NECTIN1: variants seen among roughly 807,000 people sequenced by gnomAD.
The protein encoded by NECTIN1 is nectin-1.
In NECTIN1, 23 loss-of-function variants were observed where a neutral mutation model predicts 48.0. That is an observed-to-expected ratio of 0.48 (90% confidence interval 0.34 to 0.68). The LOEUF (loss-of-function observed/expected upper bound fraction) is 0.68. NECTIN1 is among the 30% of genes least tolerant of loss of function. The probability of loss-of-function intolerance (pLI) is 0.01; values close to 1 mark genes in which losing one functional copy is unlikely to be tolerated. For synonymous variants in NECTIN1, 270 were observed against 288.9 expected (o/e 0.93, Z 0.66); for missense variants, 591 against 709.9 (o/e 0.83, Z 1.90).
rs1390346692 is a variant in NECTIN1 at position 119,729,121 on chromosome 11, G to A, written c.-568C>T. The A allele has an allele frequency of 2.0e-5, 3 of 151,722 alleles. No homozygotes were observed. The highest frequency in any genetic ancestry group is 7.3e-5 in the African/African-American group (3 of 41,346). The allele number at this position is 151,722 out of a possible 1,614,324, so 9.4% of individuals were successfully genotyped here. A position where few individuals can be genotyped will look rare whatever the true frequency, so the allele number is the denominator to read the frequency against. The stretch of plus-strand genomic sequence containing the variant: ...GAGGAGAACGGGTCGGAGGCGCCGC[G>A]CGTCCCAGCCGCCGCCGCTCTGCCG... On this transcript the variant is annotated 5_prime_UTR_variant, in exon 1 of 6. Transcript: ENST00000264025.
intron 7 of NECTIN1, chr11:119,638,627 C>T (rs188433090): frequency 3.8e-4 from 393 of 1,041,618 alleles, no homozygotes; most frequent in Non-Finnish European, 4.8e-4. Flanking sequence ...ACCATGAAGG[C>T]GTGGCGGCTC....
chr11:119,644,422 C>T (rs757158738), intron 5 of NECTIN1, among the ~76,000 whole-genome samples: 4 of 152,200 alleles, frequency 2.6e-5, no homozygotes, highest in Non-Finnish European at 5.9e-5. Context: ...AGCCAGATGT[C>T]AGTGTTCCTG....
At chr11:119,653,268 C>T (rs1468739031) in intron 5 of NECTIN1, among the ~76,000 whole-genome samples, 1 of 152,182 alleles carries the variant, frequency 6.6e-6, no homozygotes, top group African/African-American at 2.4e-5. Context: ...CACAGGATCC[C>T]GGCAAGTAAA....
chr11:119,664,557 G>C lies in NECTIN1; in HGVS notation c.*190C>G, dbSNP rs2135542108. On this transcript the variant is annotated 3_prime_UTR_variant, in exon 6 of 6. Transcript: ENST00000264025. ...ACCATGGGGAAGGGCGGAGGAGAGG[G>C]AGGAAATAAAACACAAAGCCAAGTC... 3.5e-6 allele frequency: 5 copies of C among 1,431,282 alleles called. No individual in the cohort carries two copies. The East Asian group carries it at 1.3e-4, about 36-fold the overall frequency. The allele number at this position is 1,431,282 out of a possible 1,614,324, so 88.7% of individuals were successfully genotyped here.
Position 119,661,096 on chromosome 11 carries a change from C to A in NECTIN1, c.*3651G>T. ...CAAGTAAAAGGGGGTGATGCAAACA[C>A]CCCCCAGGTCAGAACCAGGAGGATC... On this transcript the variant is annotated 3_prime_UTR_variant, in exon 6 of 6. Coordinates refer to ENST00000264025, the MANE Select transcript of NECTIN1 (RefSeq NM_002855.5). The A allele has an allele frequency of 1.0e-6, 1 of 984,092 alleles. No homozygotes were observed. Among genetic ancestry groups the A allele is most frequent in the South Asian group, 4.7e-5 (1 of 21,246 alleles). The allele number at this position is 984,092 out of a possible 1,614,324, so 61.0% of individuals were successfully genotyped here.
chr11:119,676,591 G>T (rs1398736516), intron 4 of NECTIN1, among the ~76,000 whole-genome samples: 1 of 152,248 alleles, frequency 6.6e-6, no homozygotes, highest in Non-Finnish European at 1.5e-5. Flanking sequence ...CGAAGACCGT[G>T]AGGCCAAGAA....
chr11:119,662,012 A>G lies in NECTIN1; in HGVS notation c.*2735T>C, dbSNP rs1864675083. The G allele has an allele frequency of 1.0e-6, 1 of 984,998 alleles. No homozygotes were observed. Among genetic ancestry groups the G allele is most frequent in the Admixed American group, 6.2e-5 (1 of 16,254 alleles). 61.0% of individuals were successfully genotyped at this position (984,998 alleles called of 1,614,324 possible). A position where few individuals can be genotyped will look rare whatever the true frequency, so the allele number is the denominator to read the frequency against. ...AAGGGGACTCGGCTGGTTCTATTAC[A>G]CATTAGAACAATATCAAAATCTGTA... On this transcript the variant is annotated 3_prime_UTR_variant, in exon 6 of 6. Coordinates refer to ENST00000264025, the MANE Select transcript of NECTIN1 (RefSeq NM_002855.5). The surrounding 1 kb of genome is among the most constrained non-coding windows in gnomAD (Gnocchi z 5.3).
At chr11:119,654,576 C>CTTTTTTTTTTTTTTT (rs11351493) in intron 5 of NECTIN1, among the ~76,000 whole-genome samples, 2 of 146,098 alleles carry the variant, frequency 1.4e-5, no homozygotes, top group African/African-American at 2.5e-5. Flanking sequence ...TCAGGAACAC[C>CTTTTTTTTTTTTTTT]TTTTTTTTTT....
At chr11:119,644,407 C>A (rs544345384) in intron 5 of NECTIN1, among the ~76,000 whole-genome samples, 14 of 152,346 alleles carry the variant, frequency 9.2e-5, no homozygotes, top group African/African-American at 2.9e-4. Flanking sequence ...GACCACCCCC[C>A]TCTCAGCCAG....
chr11:119,703,710 C>T (rs1217500710), intron 1 of NECTIN1, among the ~76,000 whole-genome samples: 1 of 152,244 alleles, frequency 6.6e-6, no homozygotes, highest in Non-Finnish European at 1.5e-5. Flanking sequence ...CAAAGAACCT[C>T]CTGTCTGCCT....
intron 4 of NECTIN1, 23 bp from the exon 5 acceptor site, chr11:119,675,333 C>T (rs1286137636): frequency 5.6e-6 from 9 of 1,613,934 alleles, no homozygotes; most frequent in South Asian, 3.3e-5. Flanking sequence ...GGAGACACAG[C>T]GTAGGGTTAT....
In NECTIN1 at chr11:119,709,334, C is replaced by G; in HGVS notation, c.79+19141G>C. On this transcript the variant is annotated intron_variant, in intron 1 of 5. Transcript: ENST00000264025. The surrounding 1 kb of genome is among the most constrained non-coding windows in gnomAD (Gnocchi z 4.1). Reference sequence around the variant, plus strand: ...TCAGCCCCTGAGAATCTGGGATCACCAGCTCCACATCCGGGCCCAGGGCGC... The same window carrying G: ...TCAGCCCCTGAGAATCTGGGATCACGAGCTCCACATCCGGGCCCAGGGCGC... 6.6e-6 allele frequency among the ~76,000 whole-genome samples: 1 copy of G among 152,152 alleles called. No individual in the cohort carries two copies. Among genetic ancestry groups the G allele is most frequent in the South Asian group, 2.1e-4 (1 of 4,820 alleles).
chr11:119,707,051 C>T (rs1865560381), intron 1 of NECTIN1, among the ~76,000 whole-genome samples: 1 of 152,152 alleles, frequency 6.6e-6, no homozygotes, highest in South Asian at 2.1e-4. Context: ...TGGTAGCTTC[C>T]ATCTGGCAAG....
At chr11:119,720,420 G>A (rs1000963752) in intron 1 of NECTIN1, among the ~76,000 whole-genome samples, 6 of 152,248 alleles carry the variant, frequency 3.9e-5, no homozygotes, top group Non-Finnish European at 7.3e-5. Flanking sequence ...CTCCACAGCA[G>A]GGCAGACTCA....
chr11:119,666,918 G>T (rs779831565), intron 5 of NECTIN1, among the ~76,000 whole-genome samples: 1 of 152,140 alleles, frequency 6.6e-6, no homozygotes, highest in African/African-American at 2.4e-5. Context: ...GCCCAAGGAA[G>T]GGGAGGCCAC....
At chr11:119,687,999 C>T (rs1335128815) in intron 1 of NECTIN1, among the ~76,000 whole-genome samples, 3 of 151,978 alleles carry the variant, frequency 2.0e-5, no homozygotes, top group African/African-American at 4.8e-5. Context: ...GAAGGCCTGA[C>T]AGATGAGAGA....
intron 1 of NECTIN1, among the ~76,000 whole-genome samples, chr11:119,687,635 G>C (rs1865181826): frequency 6.6e-6 from 1 of 152,234 alleles, no homozygotes; most frequent in African/African-American, 2.4e-5. Context: ...GGCTAGTGTG[G>C]GGGTGGGAGA....
At chr11:119,640,073 C>T in intron 5 of NECTIN1, 2 of 1,504,520 alleles carry the variant, frequency 1.3e-6, no homozygotes, top group Non-Finnish European at 1.8e-6. Context: ...CAAAGAGAGT[C>T]AGAGATGTGA....
At chr11:119,660,402 G>C (rs922900242), downstream of NECTIN1, among the ~76,000 whole-genome samples, 2 of 152,054 alleles carry the variant, frequency 1.3e-5, no homozygotes, top group East Asian at 3.9e-4. Flanking sequence ...GAGAAAAATG[G>C]GGGGGTACAG....
Sources: gnomAD v4.1 joint callset for allele counts (sites outside exome capture counted in the v4.1 genomes callset) on GRCh38, gnomAD v4.1.1 for gene constraint, Gnocchi (gnomAD v3.1) non-coding constraint, MANE v1.5 for transcripts, NCBI Gene and HGNC (gene_info 2026-07-23, HGNC 2026-07-21) for gene names.